Variants in GRM8 observed in about 807,000 individuals in gnomAD.
GRM8 encodes glutamate metabotropic receptor 8, also known as metabotropic glutamate receptor 8.
Under a neutral mutation model 87.2 loss-of-function variants are expected in GRM8, and 47 were observed. The observed-to-expected ratio is 0.54, with a 90% CI of 0.43 to 0.69. The LOEUF (loss-of-function observed/expected upper bound fraction) is 0.69. Ranked by LOEUF, GRM8 falls within the 30% of genes least tolerant of loss-of-function variation. GRM8 has a pLI of 0.00. For synonymous variants in GRM8, 396 were observed against 404.5 expected (o/e 0.98, Z 0.25); for missense variants, 1,019 against 1,139.2 (o/e 0.89, Z 1.52).
intron 7 of GRM8, among the ~76,000 whole-genome samples, chr7:126,614,311 A>T (rs1056914217): frequency 4.6e-5 from 7 of 152,208 alleles, no homozygotes; most frequent in African/African-American, 1.7e-4. Flanking sequence ...CCTGCAGCTG[A>T]GGGTCCTGAC....
intron 8 of GRM8, among the ~76,000 whole-genome samples, chr7:126,554,243 A>G (rs1296309266): frequency 6.6e-6 from 1 of 152,030 alleles, no homozygotes; most frequent in Admixed American, 6.6e-5. Context: ...AAACAAAAAG[A>G]TAAGTTTTAG....
intron 6 of GRM8, among the ~76,000 whole-genome samples, chr7:126,871,762 G>A (rs370094051): frequency 3.9e-5 from 6 of 152,208 alleles, no homozygotes; most frequent in South Asian, 2.1e-4. Context: ...TACATTTTGC[G>A]TTATATGGTA....
intron 7 of GRM8, among the ~76,000 whole-genome samples, chr7:126,686,850 G>A (rs545850499): frequency 1.1e-4 from 17 of 152,308 alleles, no homozygotes; most frequent in African/African-American, 3.8e-4. Context: ...CCAGAAAAGC[G>A]ACACCCCACG....
chr7:126,978,187 G>A (rs1048893282), intron 3 of GRM8, among the ~76,000 whole-genome samples: 1 of 151,902 alleles, frequency 6.6e-6, no homozygotes, highest in Admixed American at 6.6e-5. Context: ...AGGAGAAAAA[G>A]AGTAGGGAAG....
chr7:127,162,289 G>A (rs1177744005), intron 2 of GRM8, among the ~76,000 whole-genome samples: 5 of 152,156 alleles, frequency 3.3e-5, no homozygotes, highest in Admixed American at 2.6e-4. Flanking sequence ...CCCTTCCTCA[G>A]CTCTAACAAG....
intron 8 of GRM8, among the ~76,000 whole-genome samples, chr7:126,562,191 AAAGTGG>A (rs1793782067): frequency 6.6e-6 from 1 of 152,174 alleles, no homozygotes; most frequent in African/African-American, 2.4e-5. Flanking sequence ...AGAGTGAACT[AAAGTGG>A]AGAGAGATAA....
intron 8 of GRM8, among the ~76,000 whole-genome samples, chr7:126,607,085 T>C (rs747898218): frequency 2.3e-4 from 35 of 152,220 alleles, no homozygotes; most frequent in Non-Finnish European, 4.7e-4. Context: ...AAAACATTTC[T>C]GTCTTATTTC....
chr7:126,464,734 G>T (rs1159718761), intron 9 of GRM8, among the ~76,000 whole-genome samples: 2 of 151,618 alleles, frequency 1.3e-5, no homozygotes, highest in Admixed American at 6.6e-5. Flanking sequence ...ACAATGTAAT[G>T]CTTATTACAT....
At chr7:127,058,894 C>T (rs1429975870) in intron 3 of GRM8, among the ~76,000 whole-genome samples, 6 of 152,166 alleles carry the variant, frequency 3.9e-5, no homozygotes, top group East Asian at 1.9e-4. Flanking sequence ...ACATAATGGG[C>T]GGTTTGTGCA....
At chr7:127,015,045 A>AGAT (rs1815340002) in intron 3 of GRM8, among the ~76,000 whole-genome samples, 3 of 127,352 alleles carry the variant, frequency 2.4e-5, no homozygotes, top group African/African-American at 8.3e-5. Flanking sequence ...AAGAAGAAGA[A>AGAT]GAAGAAGAAG....
At chr7:126,926,751 C>A (rs566905216) in intron 3 of GRM8, among the ~76,000 whole-genome samples, 1 of 152,326 alleles carries the variant, frequency 6.6e-6, no homozygotes, top group African/African-American at 2.4e-5. Flanking sequence ...CTCTTACAAA[C>A]CTTCATCTGG....
At chr7:126,795,862 A>C (rs925380451) in intron 6 of GRM8, among the ~76,000 whole-genome samples, 1 of 152,038 alleles carries the variant, frequency 6.6e-6, no homozygotes, top group African/African-American at 2.4e-5. Flanking sequence ...AAAAAAAAAA[A>C]GCCCAAAATT....
intron 9 of GRM8, among the ~76,000 whole-genome samples, chr7:126,524,006 C>A (rs947666734): frequency 6.6e-6 from 1 of 152,144 alleles, no homozygotes; most frequent in African/African-American, 2.4e-5. Flanking sequence ...ATTATGGCTA[C>A]TAAATATTAT....
chr7:127,208,198 A>G (rs1046943756), intron 2 of GRM8, among the ~76,000 whole-genome samples: 4 of 152,182 alleles, frequency 2.6e-5, no homozygotes, highest in Non-Finnish European at 4.4e-5. Context: ...GCCTAATTGT[A>G]AGACACTTAA....
intron 2 of GRM8, among the ~76,000 whole-genome samples, chr7:127,211,429 G>A (rs1466610620): frequency 6.6e-6 from 1 of 152,172 alleles, no homozygotes; most frequent in Non-Finnish European, 1.5e-5. Flanking sequence ...AGCTGTGCTG[G>A]CAGCTGATTA....
In GRM8 at chr7:126,578,904, A is replaced by C. The variant is rs533634219; in HGVS notation, c.1494+30458T>G. On this transcript the variant is annotated intron_variant, in intron 8 of 10. Transcript: ENST00000339582. ...TTCCCATCCTGGCCTCATCCATTTG[A>C]AGCAAGGGTGACAACCTTGTTGTCA... 2.0e-5 allele frequency among the ~76,000 whole-genome samples: 3 copies of C among 152,272 alleles called. No homozygotes were observed. The South Asian group carries it at 6.2e-4, about 32-fold the overall frequency.
Position 126,979,062 on chromosome 7 carries a change from T to C in GRM8, c.728-74379A>G, listed in dbSNP as rs189620700. ...CTTGCATAAATTATGTGTAAAGATC[T>C]GAAGCATACTTTCCTTTCTTCAATA... On this transcript the variant is annotated intron_variant, in intron 3 of 10. Coordinates refer to ENST00000339582, the MANE Select transcript of GRM8 (RefSeq NM_000845.3). Among the ~76,000 whole-genome samples, 711 of 152,348 alleles carry C rather than the reference T, an allele frequency of 4.7e-3. 3 individuals are homozygous for C. Among genetic ancestry groups the C allele is most frequent in the Non-Finnish European group, 7.8e-3 (528 of 68,036 alleles).
chr7:127,029,241 G>C (rs1035089529), intron 3 of GRM8, among the ~76,000 whole-genome samples: 20 of 152,268 alleles, frequency 1.3e-4, no homozygotes, highest in African/African-American at 4.6e-4. Context: ...TTGCTGAGGA[G>C]TGTTTTACTT....
At chr7:126,611,418 A>G (rs926318951) in intron 7 of GRM8, among the ~76,000 whole-genome samples, 1 of 152,248 alleles carries the variant, frequency 6.6e-6, no homozygotes. Context: ...ATTTACTTTC[A>G]GTACACACCA....
Sources: gnomAD v4.1 joint callset for allele counts (sites outside exome capture counted in the v4.1 genomes callset) on GRCh38, gnomAD v4.1.1 for gene constraint, MANE v1.5 for transcripts, NCBI Gene and HGNC (gene_info 2026-07-23, HGNC 2026-07-21) for gene names.